Variants in KAZN observed in about 807,000 individuals in gnomAD.
The protein encoded by KAZN is kazrin, periplakin interacting protein, also known as kazrin.
KAZN carries 40 observed loss-of-function variants against 87.4 expected under a neutral mutation model. The ratio of observed to expected loss-of-function variants is 0.46; its 90% CI spans 0.36 to 0.60. KAZN has a LOEUF of 0.60. KAZN is among the 20% of genes least tolerant of loss of function. KAZN has a pLI of 0.00. For synonymous variants in KAZN, 466 were observed against 458.3 expected (o/e 1.02, Z -0.22); for missense variants, 898 against 1,073.9 (o/e 0.84, Z 2.29).
intron 1 of KAZN, among the ~76,000 whole-genome samples, chr1:14,895,619 A>G (rs1230910256): frequency 2.6e-5 from 4 of 152,134 alleles, no homozygotes; most frequent in Non-Finnish European, 5.9e-5. Flanking sequence ...GGGAGGGTGG[A>G]ATTTGGGCTA....
At chr1:14,810,761 C>A (rs1478100468) in intron 1 of KAZN, among the ~76,000 whole-genome samples, 2 of 152,254 alleles carry the variant, frequency 1.3e-5, no homozygotes, top group African/African-American at 2.4e-5. Context: ...CCTAGAGGAG[C>A]GGCCTCCAGA....
At chr1:14,795,535 C>T (rs1011476303) in intron 1 of KAZN, among the ~76,000 whole-genome samples, 4 of 152,144 alleles carry the variant, frequency 2.6e-5, no homozygotes, top group East Asian at 1.9e-4. Context: ...TCCTTGCAGT[C>T]GTTTATTTTC....
intron 1 of KAZN, among the ~76,000 whole-genome samples, chr1:13,950,308 G>A (rs150532524): frequency 1.3e-5 from 2 of 152,222 alleles, no homozygotes; most frequent in Non-Finnish European, 2.9e-5. Flanking sequence ...CACCTCTTCT[G>A]GCATCCCACA....
chr1:15,084,804 G>A (rs986744507), intron 8 of KAZN, among the ~76,000 whole-genome samples: 4 of 152,164 alleles, frequency 2.6e-5, no homozygotes, highest in South Asian at 4.1e-4. Context: ...AAAGATTCCC[G>A]CAAATTAAGA....
rs970193360 is a variant in KAZN, at chr1:14,735,454, C to T, written c.226+136231C>T. On this transcript the variant is annotated intron_variant, in intron 1 of 14. Coordinates refer to ENST00000376030, the MANE Select transcript of KAZN (RefSeq NM_201628.3). This position sits in a 1 kb window ranked among gnomAD's most constrained non-coding sequence, Gnocchi z 4.3. ...CTTCCAGGCAGCCCTGCCCTGGTTT[C>T]CAGCCACCTTGGGTGTTTAGGCTGG... is the stretch of plus-strand genomic sequence containing the variant. 6.6e-6 allele frequency among the ~76,000 whole-genome samples: 1 copy of T among 152,216 alleles called. No homozygotes were observed. Among genetic ancestry groups the T allele is most frequent in the Non-Finnish European group, 1.5e-5 (1 of 68,048 alleles).
At chr1:14,829,354 A>G (rs1333166898) in intron 1 of KAZN, among the ~76,000 whole-genome samples, 1 of 152,264 alleles carries the variant, frequency 6.6e-6, no homozygotes, top group East Asian at 1.9e-4. Flanking sequence ...AACATGTAAC[A>G]GAGATGGAGG....
intron 2 of KAZN, among the ~76,000 whole-genome samples, chr1:14,377,487 A>G (rs1465560412): frequency 3.3e-5 from 5 of 152,188 alleles, no homozygotes; most frequent in African/African-American, 1.2e-4. Flanking sequence ...AAGCAGAGAA[A>G]CAGTCTCTAG....
intron 1 of KAZN, among the ~76,000 whole-genome samples, chr1:14,878,826 C>A (rs1653035239): frequency 6.6e-6 from 1 of 152,156 alleles, no homozygotes; most frequent in Non-Finnish European, 1.5e-5. Flanking sequence ...TCCCACATCC[C>A]ACTGGGAATA....
intron 3 of KAZN, among the ~76,000 whole-genome samples, chr1:15,036,631 G>A (rs1349280673): frequency 6.6e-6 from 1 of 152,138 alleles, no homozygotes; most frequent in Non-Finnish European, 1.5e-5. Context: ...GCTCCTTAGG[G>A]TGAGGCTGTC....
chr1:14,920,224 G>C (rs375945963), intron 1 of KAZN, among the ~76,000 whole-genome samples: 7 of 151,704 alleles, frequency 4.6e-5, no homozygotes, highest in African/African-American at 1.5e-4. Context: ...CTGGGAACGA[G>C]GGGATGCTCT....
chr1:14,869,332 AGGGGTCAGACTCT>A (rs1651891207), intron 1 of KAZN, among the ~76,000 whole-genome samples: 1 of 152,076 alleles, frequency 6.6e-6, no homozygotes, highest in African/African-American at 2.4e-5. Context: ...AGCACAATTC[AGGGGTCAGACTCT>A]GGACTCTTTA....
chr1:14,547,751 T>A (rs1158090049), intron 2 of KAZN, among the ~76,000 whole-genome samples: 1 of 151,950 alleles, frequency 6.6e-6, no homozygotes, highest in African/African-American at 2.4e-5. Flanking sequence ...CCCTGCTAAT[T>A]TTTTGTTTTT....
rs1002146407 is a variant in KAZN, at chr1:14,834,943, A to G, written c.227-125741A>G. On this transcript the variant is annotated intron_variant, in intron 1 of 14. Transcript: ENST00000376030. ...CCATTTTAAATGACTTTTCTGCTGC[A>G]GAAGACTTCTTTAGCTAGACCACCC... Among the ~76,000 whole-genome samples the G allele has an allele frequency of 2.6e-5, 4 of 152,224 alleles. No individual in the cohort carries two copies. The South Asian group carries it at 6.2e-4, about 24-fold the overall frequency.
chr1:14,406,568 A>G (rs1011898130), intron 2 of KAZN, among the ~76,000 whole-genome samples: 7 of 152,278 alleles, frequency 4.6e-5, no homozygotes, highest in African/African-American at 1.7e-4. Flanking sequence ...GTGAGGGATA[A>G]AAGACTACAA....
chr1:14,512,175 C>T lies in KAZN; in HGVS notation c.250-86808C>T, dbSNP rs146142959. On this transcript the variant is annotated intron_variant, in intron 2 of 16. Transcript: ENST00000636203. Reference sequence around the variant, plus strand: ...CAGCACTTAGGATGATTTGTGTGTTCGCGGGTCAGGAGAAAGGAGTTTGTC... The same window carrying T: ...CAGCACTTAGGATGATTTGTGTGTTTGCGGGTCAGGAGAAAGGAGTTTGTC... 2.6e-5 allele frequency among the ~76,000 whole-genome samples: 4 copies of T among 152,120 alleles called. No individual in the cohort carries two copies. The East Asian group carries it at 7.7e-4, about 29-fold the overall frequency.
intron 2 of KAZN, among the ~76,000 whole-genome samples, chr1:14,450,831 A>T (rs2148330979): frequency 6.6e-6 from 1 of 152,160 alleles, no homozygotes; most frequent in African/African-American, 2.4e-5. Flanking sequence ...TCTAAATCTC[A>T]TGTTGAATTG....
chr1:14,320,006 G>T (rs963342433), intron 2 of KAZN, among the ~76,000 whole-genome samples: 3 of 152,168 alleles, frequency 2.0e-5, no homozygotes, highest in Non-Finnish European at 4.4e-5. Context: ...GAATAACAAT[G>T]ATCAATGATC....
chr1:14,907,816 G>A (rs1267413688), intron 1 of KAZN, among the ~76,000 whole-genome samples: 2 of 152,154 alleles, frequency 1.3e-5, no homozygotes, highest in African/African-American at 4.8e-5. Context: ...AGTGGGAGGT[G>A]GATCCCCGCT....
intron 2 of KAZN, among the ~76,000 whole-genome samples, chr1:14,962,451 C>T (rs1663990739): frequency 6.6e-6 from 1 of 152,160 alleles, no homozygotes; most frequent in South Asian, 2.1e-4. Context: ...GCCAAGTAGG[C>T]GTACTTTTCC....
Sources: allele counts gnomAD v4.1 joint callset (sites outside exome capture counted in the v4.1 genomes callset), GRCh38; gene constraint gnomAD v4.1.1; non-coding constraint Gnocchi (gnomAD v3.1); transcripts MANE v1.5; gene names NCBI Gene and HGNC (gene_info 2026-07-23, HGNC 2026-07-21).